Variants in DOCK5 observed in about 807,000 individuals in gnomAD.
The protein encoded by DOCK5 is dedicator of cytokinesis 5, also known as dedicator of cytokinesis protein 5.
Under a neutral mutation model 251.8 loss-of-function variants are expected in DOCK5, and 142 were observed. That is an observed-to-expected ratio of 0.56 (90% CI 0.49 to 0.65). DOCK5 has a LOEUF of 0.65. Ranked by LOEUF, DOCK5 falls within the 30% of genes least tolerant of loss-of-function variation. The pLI, the probability that DOCK5 is intolerant of heterozygous loss-of-function variation, is 0.00. For missense variants in DOCK5, 2,111 were observed against 2,312.3 expected (o/e 0.91, Z 1.79); for synonymous variants, 842 against 835.5 (o/e 1.01, Z -0.13).
chr8:25,264,074 A>G (rs1277697516), intron 2 of DOCK5, among the ~76,000 whole-genome samples: 1 of 151,902 alleles, frequency 6.6e-6, no homozygotes, highest in Admixed American at 6.5e-5. Flanking sequence ...ATTCATATAT[A>G]TCATTCGTCT....
At chr8:25,236,279 G>C (rs183958269) in intron 1 of DOCK5, among the ~76,000 whole-genome samples, 1 of 152,176 alleles carries the variant, frequency 6.6e-6, no homozygotes, top group Non-Finnish European at 1.5e-5. Context: ...TGAGCAGAGA[G>C]GTGGCGTGAT....
At chr8:25,392,295 C>G (rs1037189062) in intron 43 of DOCK5, among the ~76,000 whole-genome samples, 1 of 127,132 alleles carries the variant, frequency 7.9e-6, no homozygotes, top group Non-Finnish European at 1.7e-5. Flanking sequence ...CAGAGCGAGA[C>G]TTCGTCTCAA....
At chr8:25,282,848 T>TAA in intron 5 of DOCK5, among the ~76,000 whole-genome samples, 1 of 59,062 alleles carries the variant, frequency 1.7e-5, no homozygotes, top group African/African-American at 1.3e-4. Flanking sequence ...AGACCCTTTC[T>TAA]CAAAAAAAAA....
At chr8:25,229,593 G>T (rs1022975142) in intron 1 of DOCK5, among the ~76,000 whole-genome samples, 36 of 152,068 alleles carry the variant, frequency 2.4e-4, no homozygotes, top group African/African-American at 8.2e-4. Flanking sequence ...AGATTGAAAA[G>T]AATTTTTCGT....
rs1369895115 is a variant in DOCK5 at position 25,415,530 on chromosome 8, T to G, written c.*4232T>G. On this transcript the variant is annotated 3_prime_UTR_variant, in exon 52 of 52. Coordinates refer to ENST00000276440, the MANE Select transcript of DOCK5 (RefSeq NM_024940.8). The stretch of plus-strand genomic sequence containing the variant: ...GCAGTATCAGATGTCCAAACTCATC[T>G]ACTATTAGCCATATTTTGTGAGTCG... 1 of 152,248 alleles carries G rather than the reference T, an allele frequency of 6.6e-6. No individual in the cohort carries two copies. Among genetic ancestry groups the G allele is most frequent in the African/African-American group, 2.4e-5 (1 of 41,472 alleles). 9.4% of individuals were successfully genotyped at this position (152,248 alleles called of 1,614,324 possible). A position where few individuals can be genotyped will look rare whatever the true frequency, so the allele number is the denominator to read the frequency against.
intron 27 of DOCK5, among the ~76,000 whole-genome samples, chr8:25,358,124 A>G (rs1175836888): frequency 3.3e-5 from 5 of 152,170 alleles, no homozygotes; most frequent in Non-Finnish European, 7.3e-5. Context: ...CATGCTGCTA[A>G]TAAAGACATA....
intron 9 of DOCK5, 105 bp downstream of exon 9, chr8:25,300,762 T>A: frequency 8.1e-7 from 1 of 1,234,340 alleles, no homozygotes; most frequent in South Asian, 1.5e-5. Context: ...AAAGGAAAAA[T>A]CATCAATCTG....
intron 1 of DOCK5, among the ~76,000 whole-genome samples, chr8:25,202,857 G>A (rs1333536736): frequency 1.3e-5 from 2 of 152,138 alleles, no homozygotes; most frequent in Non-Finnish European, 2.9e-5. Flanking sequence ...TTGAACACCA[G>A]CACTGCAATA....
chr8:25,249,913 CT>C (rs1248728927), intron 2 of DOCK5, among the ~76,000 whole-genome samples: 1 of 152,200 alleles, frequency 6.6e-6, no homozygotes, highest in Non-Finnish European at 1.5e-5. Context: ...AACTTCATCT[CT>C]TTTCATTGCT....
chr8:25,386,729 A>T (rs118167153), intron 40 of DOCK5, among the ~76,000 whole-genome samples: 1 of 152,232 alleles, frequency 6.6e-6, no homozygotes, highest in Non-Finnish European at 1.5e-5. Context: ...TGCATGTCCC[A>T]TGAAATCAGA....
intron 23 of DOCK5, 82 bp downstream of exon 23, chr8:25,341,070 G>A (rs773373480): frequency 1.2e-4 from 115 of 981,690 alleles, no homozygotes; most frequent in Non-Finnish European, 1.6e-4. Flanking sequence ...GCCATCATGA[G>A]GGAGAAACAA....
At chr8:25,389,946 A>G (rs1335856902) in intron 41 of DOCK5, among the ~76,000 whole-genome samples, 2 of 147,840 alleles carry the variant, frequency 1.4e-5, no homozygotes, top group Admixed American at 6.9e-5. Context: ...ATTGATGTCT[A>G]TTTCCCTATG....
chr8:25,395,434 C>G, intron 44 of DOCK5, 109 bp from the exon 45 acceptor site: 1 of 1,224,624 alleles, frequency 8.2e-7, no homozygotes, highest in Non-Finnish European at 1.1e-6. Flanking sequence ...CTTCCCTTTT[C>G]TATAGCTTGT....
rs555122602 is a variant in DOCK5, at chr8:25,300,450, G to A, written c.765-126G>A. 1.6e-3 allele frequency: 1,226 copies of A among 771,406 alleles called. 2 individuals are homozygous for A. Among genetic ancestry groups the A allele is most frequent in the Non-Finnish European group, 2.2e-3 (1,059 of 488,638 alleles). The allele number at this position is 771,406 out of a possible 1,614,324, so 47.8% of individuals were successfully genotyped here. A position where few individuals can be genotyped will look rare whatever the true frequency, so the allele number is the denominator to read the frequency against. On this transcript the variant is annotated intron_variant, in intron 8 of 51. Transcript: ENST00000276440. ...TTCCCAACTCAGCTGTTTTCACACC[G>A]GCCTGTTGAATTTCACTGAGCATTT...
intron 1 of DOCK5, 88 bp from the exon 2 acceptor site, chr8:25,243,586 C>G: frequency 7.8e-7 from 1 of 1,289,102 alleles, no homozygotes; most frequent in Non-Finnish European, 1.1e-6. Flanking sequence ...ACCTCACCCT[C>G]TCAAAGTGCT....
intron 1 of DOCK5, among the ~76,000 whole-genome samples, 186 bp downstream of exon 1, chr8:25,185,137 G>C (rs1346841567): frequency 6.6e-6 from 1 of 152,144 alleles, no homozygotes; most frequent in Non-Finnish European, 1.5e-5. Context: ...AGTCGCCCAG[G>C]GTTTGGGGAC....
intron 2 of DOCK5, among the ~76,000 whole-genome samples, chr8:25,255,964 T>TA (rs1397833017): frequency 3.3e-5 from 5 of 152,216 alleles, no homozygotes; most frequent in African/African-American, 9.6e-5. Flanking sequence ...GAAATGGTCA[T>TA]AGTAGCAGGA....
rs1235721684 is a variant in DOCK5 at position 25,391,787 on chromosome 8, A to G, written c.4356-109A>G. Reference sequence around the variant, plus strand: ...GGCACTATTGATTATGAGATAGCTTAGTGGGTAAAACTCAGACCAGGCAGA... The same window carrying G: ...GGCACTATTGATTATGAGATAGCTTGGTGGGTAAAACTCAGACCAGGCAGA... On this transcript the variant is annotated intron_variant, in intron 42 of 51. Transcript: ENST00000276440. 4.8e-6 allele frequency: 4 copies of G among 826,392 alleles called. No homozygotes were observed. In the Admixed American group the frequency reaches 1.1e-4, roughly 23 times the overall value. The allele number at this position is 826,392 out of a possible 1,614,324, so 51.2% of individuals were successfully genotyped here.
intron 27 of DOCK5, among the ~76,000 whole-genome samples, chr8:25,358,340 C>T (rs1800614895): frequency 6.6e-6 from 1 of 152,098 alleles, no homozygotes; most frequent in Admixed American, 6.6e-5. Context: ...CTCGTGAGAA[C>T]TCACTCACTA....
Sources: gnomAD v4.1 joint callset for allele counts (sites outside exome capture counted in the v4.1 genomes callset) on GRCh38, gnomAD v4.1.1 for gene constraint, MANE v1.5 for transcripts, NCBI Gene and HGNC (gene_info 2026-07-23, HGNC 2026-07-21) for gene names.